Variants in ZEB2 observed in about 807,000 individuals in gnomAD.
ZEB2 encodes the protein zinc finger E-box-binding homeobox 2.
In ZEB2, 6 loss-of-function variants were observed where a neutral mutation model predicts 99.9. The observed-to-expected ratio is 0.06, with a 90% confidence interval of 0.03 to 0.12. ZEB2 has a LOEUF of 0.12. Ranked by LOEUF, ZEB2 falls within the 10% of genes least tolerant of loss-of-function variation. The pLI, the probability that ZEB2 is intolerant of heterozygous loss-of-function variation, is 1.00. For missense variants in ZEB2, 969 were observed against 1,502.8 expected, an observed-to-expected ratio of 0.64 and a Z score of 5.87; for synonymous variants, 517 against 542.5, an observed-to-expected ratio of 0.95 and a Z score of 0.65.
intron 2 of ZEB2, among the ~76,000 whole-genome samples, chr2:144,460,169 T>C (rs1704172871): frequency 6.6e-6 from 1 of 152,158 alleles, no homozygotes; most frequent in Non-Finnish European, 1.5e-5. Context: ...GCCACCCAAG[T>C]GACGTAGGTT....
At chr2:144,390,502 G>A (rs1360429704) in intron 9 of ZEB2, 1 of 233,816 alleles carries the variant, frequency 4.3e-6, no homozygotes, top group Admixed American at 5.3e-5. Context: ...GCTTTGAAAG[G>A]GGATCTTAGG....
At chr2:144,476,735 A>G (rs1398161134) in intron 2 of ZEB2, among the ~76,000 whole-genome samples, 1 of 152,244 alleles carries the variant, frequency 6.6e-6, no homozygotes, top group Non-Finnish European at 1.5e-5. Context: ...TGCAATTCAG[A>G]AGATGCTCCC....
intron 9 of ZEB2, 35 bp downstream of exon 9, chr2:144,396,377 G>A (rs1421976071): frequency 1.2e-6 from 2 of 1,610,778 alleles, no homozygotes; most frequent in African/African-American, 2.7e-5. Context: ...CAGCAGGACG[G>A]GAAGCTCTAA....
intron 2 of ZEB2, among the ~76,000 whole-genome samples, chr2:144,487,833 C>A (rs970726755): frequency 6.6e-6 from 1 of 152,220 alleles, no homozygotes; most frequent in Admixed American, 6.5e-5. Flanking sequence ...CTAGGGCCTG[C>A]ATTCTTTATT....
chr2:144,397,799 CCCAG>C, intron 8 of ZEB2: 1 of 258,182 alleles, frequency 3.9e-6, no homozygotes. Flanking sequence ...CAGCACTACA[CCCAG>C]CTAATTTTTG....
chr2:144,410,836 A>G (rs912159477), intron 4 of ZEB2, among the ~76,000 whole-genome samples: 1 of 151,838 alleles, frequency 6.6e-6, no homozygotes, highest in Non-Finnish European at 1.5e-5. Context: ...TAAAAAGAAA[A>G]TATCTTGGAA....
chr2:144,511,466 A>G (rs1345254804), intron 2 of ZEB2: 1 of 1,269,858 alleles, frequency 7.9e-7, no homozygotes, highest in Admixed American at 2.5e-5. Context: ...CATGACTGTC[A>G]CACAAGATAA....
chr2:144,403,374 T>G (rs552377684), intron 6 of ZEB2, among the ~76,000 whole-genome samples: 1 of 152,188 alleles, frequency 6.6e-6, no homozygotes, highest in Non-Finnish European at 1.5e-5. Flanking sequence ...ATTTATTTTA[T>G]ATATTATATA....
intron 4 of ZEB2, among the ~76,000 whole-genome samples, chr2:144,423,831 G>A (rs1703652990): frequency 6.6e-6 from 1 of 152,102 alleles, no homozygotes; most frequent in South Asian, 2.1e-4. Flanking sequence ...ATCAACATAA[G>A]GGTGATGTAA....
At chr2:144,463,646 T>G (rs368657767) in intron 2 of ZEB2, 1 of 151,902 alleles carries the variant, frequency 6.6e-6, no homozygotes, top group East Asian at 1.9e-4. Context: ...TTGGGTGACA[T>G]AGTGAGACCC....
chr2:144,492,073 G>A (rs1198901023), intron 2 of ZEB2, among the ~76,000 whole-genome samples: 2 of 152,170 alleles, frequency 1.3e-5, no homozygotes, highest in Non-Finnish European at 2.9e-5. Flanking sequence ...AGGATCGGGG[G>A]AGAAGAGAGA....
chr2:144,511,356 C>T, intron 2 of ZEB2: 1 of 1,170,318 alleles, frequency 8.5e-7, no homozygotes, highest in Non-Finnish European at 1.1e-6. Context: ...CACACACATG[C>T]ACATACACAG....
chr2:144,441,209 A>AGAGAGAC (rs1553965039), intron 2 of ZEB2, among the ~76,000 whole-genome samples: 1 of 24,310 alleles, frequency 4.1e-5, no homozygotes, highest in South Asian at 1.5e-3. Context: ...GAGAGAGAGA[A>AGAGAGAC]CCTCATGCCT....
intron 9 of ZEB2, chr2:144,390,460 A>G (rs563626889): frequency 6.7e-6 from 2 of 299,504 alleles, no homozygotes; most frequent in East Asian, 9.6e-5. Context: ...ATTGGCATGT[A>G]TATCCTCTGC....
At chr2:144,517,788 G>A in intron 1 of ZEB2, 1 of 670,160 alleles carries the variant, frequency 1.5e-6, no homozygotes, top group Non-Finnish European at 2.7e-6. Flanking sequence ...CGGGAACTTG[G>A]GGTGAGGCGA....
At chr2:144,500,489 T>G (rs1704852197) in intron 2 of ZEB2, among the ~76,000 whole-genome samples, 1 of 152,224 alleles carries the variant, frequency 6.6e-6, no homozygotes, top group Admixed American at 6.5e-5. Flanking sequence ...GTTCACTCAC[T>G]GATTGCTGCG....
At chr2:144,516,898 C>G (rs1346253030) in intron 2 of ZEB2, 5 of 152,074 alleles carry the variant, frequency 3.3e-5, no homozygotes, top group African/African-American at 9.7e-5. Flanking sequence ...GGCCCCCGCC[C>G]TGCCCCAGGC....
At chr2:144,515,254 A>G (rs1573818755) in intron 2 of ZEB2, among the ~76,000 whole-genome samples, 1 of 152,212 alleles carries the variant, frequency 6.6e-6, no homozygotes, top group South Asian at 2.1e-4. Context: ...TCCTTGACAC[A>G]AAGCTTTTGT....
At position 144,498,025 on chromosome 2, in the gene ZEB2, T is replaced by A. The variant is rs1445218533; in HGVS notation, c.73+19253A>T. Among the ~76,000 whole-genome samples the A allele has an allele frequency of 1.1e-3, 48 of 45,334 alleles. 16 individuals carry two copies. Among genetic ancestry groups the A allele is most frequent in the African/African-American group, 1.9e-3 (26 of 13,526 alleles). 29.7% of individuals were successfully genotyped at this position (45,334 alleles called of 152,430 possible). ...TTATATAATATATTAATATTATATA[T>A]TATATAATATATATTAATATTATAT... On this transcript the variant is annotated intron_variant, in intron 2 of 9. Coordinates refer to ENST00000627532, the MANE Select transcript of ZEB2 (RefSeq NM_014795.4).
Sources: allele counts gnomAD v4.1 joint callset (sites outside exome capture counted in the v4.1 genomes callset), GRCh38; gene constraint gnomAD v4.1.1; transcripts MANE v1.5; gene names NCBI Gene and HGNC (gene_info 2026-07-23, HGNC 2026-07-21).